Variants in NRG1 observed in about 807,000 individuals in gnomAD.
NRG1 encodes the protein neuregulin 1, also known as pro-neuregulin-1, membrane-bound isoform.
A neutral mutation model predicts 63.8 loss-of-function variants in NRG1; 18 were observed. The ratio of observed to expected loss-of-function variants is 0.28; its 90% CI spans 0.19 to 0.42. The LOEUF (loss-of-function observed/expected upper bound fraction) is 0.42. Among genes scored for constraint, NRG1 ranks in the 10% least tolerant of loss-of-function variants. The probability of loss-of-function intolerance (pLI) is 1.00; values close to 1 mark genes in which losing one functional copy is unlikely to be tolerated. For synonymous variants in NRG1, 302 were observed against 301.3 expected, an observed-to-expected ratio of 1.00 and a Z score of -0.02; for missense variants, 762 against 814.7, an observed-to-expected ratio of 0.94 and a Z score of 0.79.
At chr8:31,902,081 A>T (rs571608029) in intron 1 of NRG1, among the ~76,000 whole-genome samples, 22 of 151,640 alleles carry the variant, frequency 1.5e-4, no homozygotes, top group East Asian at 1.2e-3. Context: ...TTAAAAATTT[A>T]AAAAAAAAGT....
Position 32,290,753 on chromosome 8 carries a change from A to T in NRG1, c.38-305075A>T, listed in dbSNP as rs543605915. 7.3e-5 allele frequency among the ~76,000 whole-genome samples: 11 copies of T among 151,524 alleles called. No individual in the cohort carries two copies. In the South Asian group the frequency reaches 2.3e-3, roughly 32 times the overall value. On this transcript the variant is annotated intron_variant, in intron 1 of 10. Transcript: ENST00000519301. Reference sequence around the variant, plus strand: ...TTAGATTTTATTATATTTGCTGCAAACTCTTTTTATAATGTTCTTCCTACT... The same window carrying T: ...TTAGATTTTATTATATTTGCTGCAATCTCTTTTTATAATGTTCTTCCTACT...
chr8:31,996,498 G>A (rs1811991834), intron 1 of NRG1, among the ~76,000 whole-genome samples: 1 of 151,942 alleles, frequency 6.6e-6, no homozygotes, highest in East Asian at 1.9e-4. Context: ...TTGGGAGGCT[G>A]AGATGAGGGG....
chr8:32,767,014 A>T (rs1024022624), exon 12 of NRG1: 1 of 152,234 alleles, frequency 6.6e-6, no homozygotes, highest in African/African-American at 2.4e-5. Flanking sequence ...GGAGTTTGAC[A>T]GCAACTTTGT....
chr8:32,615,459 T>C (rs967847311), intron 4 of NRG1, among the ~76,000 whole-genome samples: 2 of 152,234 alleles, frequency 1.3e-5, no homozygotes, highest in East Asian at 1.9e-4. Flanking sequence ...TCATTTTTCC[T>C]CATTTTACAG....
chr8:31,714,767 T>A (rs1197095248), intron 1 of NRG1, among the ~76,000 whole-genome samples: 2 of 152,196 alleles, frequency 1.3e-5, no homozygotes, highest in Admixed American at 1.3e-4. Context: ...CTCTTTCTTA[T>A]AAGTTGCTAA....
At chr8:31,920,323 G>T (rs1833795108) in intron 1 of NRG1, among the ~76,000 whole-genome samples, 2 of 151,800 alleles carry the variant, frequency 1.3e-5, no homozygotes, top group African/African-American at 4.8e-5. Flanking sequence ...AGATGTATCT[G>T]TACATTCTAA....
chr8:32,146,089 G>A (rs749867350), intron 1 of NRG1, among the ~76,000 whole-genome samples: 1 of 152,184 alleles, frequency 6.6e-6, no homozygotes, highest in Non-Finnish European at 1.5e-5. Context: ...TGAGCAAATG[G>A]GAAATCTAAT....
intron 5 of NRG1, among the ~76,000 whole-genome samples, chr8:32,694,014 C>T (rs946147948): frequency 6.6e-6 from 1 of 152,150 alleles, no homozygotes; most frequent in African/African-American, 2.4e-5. Context: ...TAATTTCTTC[C>T]TGTCCAGCCA....
rs571422071 is a variant in NRG1, at chr8:31,652,114, G to A, written c.37+12683G>A. Among the ~76,000 whole-genome samples, 17 of 152,278 alleles carry A rather than the reference G, an allele frequency of 1.1e-4. No homozygotes were observed. In the South Asian group the frequency reaches 3.3e-3, roughly 30 times the overall value. On this transcript the variant is annotated intron_variant, in intron 1 of 10. Coordinates refer to the NRG1 transcript ENST00000519301. ...TCGACACTTATTTGGTGCCAGAGTA[G>A]TAGGCGCTGAGATAAATTCAGTTAA...
intron 1 of NRG1, among the ~76,000 whole-genome samples, chr8:31,701,190 G>A (rs531738710): frequency 2.2e-4 from 33 of 152,156 alleles, no homozygotes; most frequent in African/African-American, 6.7e-4. Context: ...TGGCTCAACT[G>A]GGGGCACATT....
chr8:32,409,351 T>G (rs1022905257), intron 1 of NRG1, among the ~76,000 whole-genome samples: 3 of 152,160 alleles, frequency 2.0e-5, no homozygotes, highest in East Asian at 1.9e-4. Context: ...AGGGAAGGAA[T>G]TCATTACTAA....
chr8:31,923,782 AAGGCAGGGCCTTCAGTGCCTCCAT>A (rs1473519971), intron 1 of NRG1, among the ~76,000 whole-genome samples: 1 of 151,948 alleles, frequency 6.6e-6, no homozygotes, highest in Non-Finnish European at 1.5e-5. Context: ...CATTATGGTG[AAGGCAGGGCCTTCAGTGCCTCCAT>A]CACTGGAGGA....
At chr8:32,688,401 G>A (rs1810737076) in intron 5 of NRG1, among the ~76,000 whole-genome samples, 1 of 152,044 alleles carries the variant, frequency 6.6e-6, no homozygotes, top group African/African-American at 2.4e-5. Flanking sequence ...CAGCTACGAG[G>A]ATTTGTCAAA....
At chr8:32,125,639 T>G (rs1255610123) in intron 1 of NRG1, among the ~76,000 whole-genome samples, 1 of 151,864 alleles carries the variant, frequency 6.6e-6, no homozygotes, top group African/African-American at 2.4e-5. Flanking sequence ...CCTATCTTGT[T>G]TACCTGTTTG....
At chr8:32,380,402 C>T (rs1810198861) in intron 1 of NRG1, among the ~76,000 whole-genome samples, 1 of 152,010 alleles carries the variant, frequency 6.6e-6, no homozygotes, top group African/African-American at 2.4e-5. Flanking sequence ...TAGGTGACCC[C>T]TCCAGTTGCT....
chr8:31,969,773 T>A (rs1806974451), intron 1 of NRG1, among the ~76,000 whole-genome samples: 1 of 152,132 alleles, frequency 6.6e-6, no homozygotes, highest in Non-Finnish European at 1.5e-5. Context: ...ATAAGGAAAA[T>A]TAAAAAACCC....
chr8:31,758,171 A>G (rs1817170043), intron 1 of NRG1, among the ~76,000 whole-genome samples: 1 of 152,016 alleles, frequency 6.6e-6, no homozygotes, highest in Admixed American at 6.6e-5. Context: ...CAACCTGTCA[A>G]CTACATTAGG....
intron 1 of NRG1, among the ~76,000 whole-genome samples, chr8:32,177,637 T>C (rs945804153): frequency 6.6e-6 from 1 of 151,898 alleles, no homozygotes; most frequent in African/African-American, 2.4e-5. Context: ...AGTGAGAACA[T>C]GCGGTATTTA....
In NRG1 at chr8:32,504,746, G is replaced by A. The variant is rs1828321101; in HGVS notation, c.38-91082G>A. 2.0e-5 allele frequency among the ~76,000 whole-genome samples: 3 copies of A among 151,956 alleles called. 1 individual carries two copies. Among genetic ancestry groups the A allele is most frequent in the Non-Finnish European group, 4.4e-5 (3 of 67,996 alleles). On this transcript the variant is annotated intron_variant, in intron 1 of 10. Coordinates refer to the NRG1 transcript ENST00000519301. ...TAAAAAAATCTGAATTGTATTTCTG[G>A]CAGATGGAACAAGAGGTTACCTGCT...
Sources: allele counts gnomAD v4.1 joint callset (sites outside exome capture counted in the v4.1 genomes callset), GRCh38; gene constraint gnomAD v4.1.1; transcripts MANE v1.5; gene names NCBI Gene and HGNC (gene_info 2026-07-23, HGNC 2026-07-21).